Variants in SCIN observed in about 807,000 individuals in gnomAD.
SCIN encodes adseverin.
SCIN carries 91 observed loss-of-function variants against 91.8 expected under a neutral mutation model. The observed-to-expected ratio is 0.99, with a 90% CI of 0.84 to 1.18. The LOEUF (loss-of-function observed/expected upper bound fraction) is 1.18. SCIN is among the 50% of genes most tolerant of loss of function. The pLI is 0.00. For missense variants in SCIN, 1,087 were observed against 863.9 expected (o/e 1.26, Z -3.24); for synonymous variants, 367 against 312.6 (o/e 1.17, Z -1.84).
intron 3 of SCIN, among the ~76,000 whole-genome samples, chr7:12,587,932 C>T (rs951361259): frequency 6.6e-6 from 1 of 152,174 alleles, no homozygotes; most frequent in Non-Finnish European, 1.5e-5. Flanking sequence ...GCTTAAGATG[C>T]AAAACCAGCT....
intron 3 of SCIN, among the ~76,000 whole-genome samples, chr7:12,601,253 G>A (rs76912807): frequency 0.011 from 1,683 of 152,254 alleles, 27 homozygotes; most frequent in African/African-American, 0.039. Context: ...TCAGAATGGT[G>A]CTTCCAGTAC....
At chr7:12,610,112 A>G (rs769091353) in intron 4 of SCIN, among the ~76,000 whole-genome samples, 8 of 152,176 alleles carry the variant, frequency 5.3e-5, no homozygotes, top group Admixed American at 2.0e-4. Context: ...TCATGATGAA[A>G]ATCCTATTTT....
At chr7:12,615,864 A>G (rs1256539394) in intron 4 of SCIN, among the ~76,000 whole-genome samples, 1 of 152,152 alleles carries the variant, frequency 6.6e-6, no homozygotes, top group Non-Finnish European at 1.5e-5. Context: ...AAGTTTTCCC[A>G]ACTCCCTTGC....
chr7:12,604,502 T>A lies in SCIN; in HGVS notation c.517-12T>A. ...TATTCTTAGGGTCAACAGATCTGTC[T>A]CTTTCTTTTAGGAAATTTATCAGTG... On this transcript the variant is annotated splice_polypyrimidine_tract_variant and intron_variant, in intron 3 of 15. Transcript: ENST00000297029. 1 of 1,551,300 alleles carries A rather than the reference T, an allele frequency of 6.4e-7. No homozygotes were observed. The highest frequency in any genetic ancestry group is 8.7e-7 in the Non-Finnish European group (1 of 1,146,680).
rs537933310 is a variant in SCIN at position 12,653,059 on chromosome 7, T to C, written c.*344T>C. ...GGCTGAGGTTGCAGTGAGCCAGGAT[T>C]GCGCCACCACACTCCAGCCTGGGCA... On this transcript the variant is annotated 3_prime_UTR_variant, in exon 16 of 16. Transcript: ENST00000297029. The surrounding 1 kb of genome is among the most constrained non-coding windows in gnomAD (Gnocchi z 4.1). 6.3e-6 allele frequency: 1 copy of C among 158,328 alleles called. No homozygotes were observed. The highest frequency in any genetic ancestry group is 1.3e-5 in the Non-Finnish European group (1 of 74,800). 9.8% of individuals were successfully genotyped at this position (158,328 alleles called of 1,614,324 possible). A position where few individuals can be genotyped will look rare whatever the true frequency, so the allele number is the denominator to read the frequency against.
At chr7:12,644,477 T>G (rs1783918825) in intron 12 of SCIN, 107 bp from the exon 13 acceptor site, 3 of 1,495,606 alleles carry the variant, frequency 2.0e-6, no homozygotes, top group Non-Finnish European at 1.8e-6. Context: ...TTTCTTTAAG[T>G]AATTTCTCAA....
intron 3 of SCIN, among the ~76,000 whole-genome samples, chr7:12,599,956 T>G (rs1782924392): frequency 6.6e-6 from 1 of 152,234 alleles, no homozygotes; most frequent in African/African-American, 2.4e-5. Context: ...TCTCCCATTC[T>G]GTGGGTTGTC....
intron 2 of SCIN, among the ~76,000 whole-genome samples, chr7:12,578,775 A>G (rs1206584545): frequency 6.6e-6 from 1 of 152,028 alleles, no homozygotes; most frequent in African/African-American, 2.4e-5. Context: ...CTGCAGGTAA[A>G]CTACACACAC....
intron 4 of SCIN, among the ~76,000 whole-genome samples, chr7:12,614,530 T>C (rs1324683261): frequency 2.0e-5 from 3 of 152,106 alleles, no homozygotes; most frequent in Non-Finnish European, 4.4e-5. Context: ...AGGTTGTTAT[T>C]TGAAAGGTGA....
In SCIN at chr7:12,658,253, A is replaced by C. The variant is rs1784205895; in HGVS notation, c.*5538A>C. 2 of 152,212 alleles carry C rather than the reference A, an allele frequency of 1.3e-5. No individual in the cohort carries two copies. The highest frequency in any genetic ancestry group is 1.3e-4 in the Admixed American group (2 of 15,278). The allele number at this position is 152,212 out of a possible 1,614,324, so 9.4% of individuals were successfully genotyped here. A position where few individuals can be genotyped will look rare whatever the true frequency, so the allele number is the denominator to read the frequency against. On this transcript the variant is annotated 3_prime_UTR_variant, in exon 16 of 16. Coordinates refer to ENST00000297029, the MANE Select transcript of SCIN (RefSeq NM_001112706.3). ...ACATTGTCATTAGCTTGTGATCCTT[A>C]GATGGAATATATTTTGCCAGATCTC...
In SCIN at chr7:12,654,713, C is replaced by G. The variant is rs1472955137; in HGVS notation, c.*1998C>G. The stretch of plus-strand genomic sequence containing the variant: ...TAGTTTAGCCAGTGGTTTTTCTCAT[C>G]TCCAATTTATAGCACAGGCCGAGGC... On this transcript the variant is annotated 3_prime_UTR_variant, in exon 16 of 16. Coordinates refer to ENST00000297029, the MANE Select transcript of SCIN (RefSeq NM_001112706.3). 6.6e-6 allele frequency: 1 copy of G among 152,012 alleles called. No individual in the cohort carries two copies. 9.4% of individuals were successfully genotyped at this position (152,012 alleles called of 1,614,324 possible).
At chr7:12,599,208 C>T (rs914048597) in intron 3 of SCIN, among the ~76,000 whole-genome samples, 3 of 152,114 alleles carry the variant, frequency 2.0e-5, no homozygotes, top group Non-Finnish European at 4.4e-5. Context: ...GAAAACTTGA[C>T]TTTTAAATTC....
chr7:12,658,672 G>T lies in SCIN; in HGVS notation c.*5957G>T, dbSNP rs1442488770. On this transcript the variant is annotated 3_prime_UTR_variant, in exon 16 of 16. Transcript: ENST00000297029. Reference sequence around the variant, plus strand: ...TGGTTGTACAGAAAGGTGATGCCAAGACTCTCTTGTATGATTTTCCTCTCT... The same window carrying T: ...TGGTTGTACAGAAAGGTGATGCCAATACTCTCTTGTATGATTTTCCTCTCT... 6.6e-6 allele frequency: 1 copy of T among 152,184 alleles called. No homozygotes were observed. The highest frequency in any genetic ancestry group is 1.5e-5 in the Non-Finnish European group (1 of 68,036). 9.4% of individuals were successfully genotyped at this position (152,184 alleles called of 1,614,324 possible). A position where few individuals can be genotyped will look rare whatever the true frequency, so the allele number is the denominator to read the frequency against.
chr7:12,593,487 A>G (rs1012869560), intron 3 of SCIN, among the ~76,000 whole-genome samples: 2 of 152,186 alleles, frequency 1.3e-5, no homozygotes, highest in African/African-American at 4.8e-5. Context: ...CATTGTGCAC[A>G]TGTACCCTAA....
At chr7:12,627,854 C>A (rs1237008105) in intron 8 of SCIN, among the ~76,000 whole-genome samples, 1 of 152,136 alleles carries the variant, frequency 6.6e-6, no homozygotes, top group Non-Finnish European at 1.5e-5. Flanking sequence ...CTGCTGAAAT[C>A]TGGGGGCTCT....
At position 12,604,658 on chromosome 7, in the gene SCIN, A is replaced by G. The variant is rs755777073; in HGVS notation, c.661A>G (p.Ile221Val). The change falls in exon 4 of 16, where the codon ATA (isoleucine) becomes GTA (valine). Residue 221 changes from isoleucine to valine, a missense_variant. Coordinates refer to ENST00000297029, the MANE Select transcript of SCIN (RefSeq NM_001112706.3). ...AGAAGGAAGTGAACCCTCAGAACTT[A>G]TAAAGGTATTGTGACTCCTGTTGTT... ...VEEGSEPSELIKVLGEKPELP... is the reference protein window; with the variant it reads ...VEEGSEPSELVKVLGEKPELP... 1.9e-6 allele frequency: 3 copies of G among 1,551,950 alleles called. No homozygotes were observed. The highest frequency in any genetic ancestry group is 2.6e-6 in the Non-Finnish European group (3 of 1,147,022).
rs1784128897 is a variant in SCIN, at chr7:12,653,949, A to G, written c.*1234A>G. On this transcript the variant is annotated 3_prime_UTR_variant, in exon 16 of 16. Coordinates refer to ENST00000297029, the MANE Select transcript of SCIN (RefSeq NM_001112706.3). The surrounding 1 kb of genome is among the most constrained non-coding windows in gnomAD (Gnocchi z 4.1). ...ATTATTTCATTCTATTTTATTTCCA[A>G]TATACCATTGTATATCAGTATATAC... The G allele has an allele frequency of 6.6e-6, 1 of 152,028 alleles. No homozygotes were observed. Among genetic ancestry groups the G allele is most frequent in the Admixed American group, 6.5e-5 (1 of 15,268 alleles). 9.4% of individuals were successfully genotyped at this position (152,028 alleles called of 1,614,324 possible).
chr7:12,636,135 G>T lies in SCIN; in HGVS notation c.1410G>T (p.Gln470His). 6.2e-7 allele frequency: 1 copy of T among 1,610,578 alleles called. No homozygotes were observed. The highest frequency in any genetic ancestry group is 8.5e-7 in the Non-Finnish European group (1 of 1,178,168). ...GGTCCCTTGGAGGACAGGCTGTGCAGGTTGGGATATTTTTACCCCCAAAAC... is the reference window on the plus strand; with the variant it reads ...GGTCCCTTGGAGGACAGGCTGTGCATGTTGGGATATTTTTACCCCCAAAAC... ...LDRSLGGQAV[Q>H]IRVSQGKEPV... The change falls in exon 10 of 16, where the codon CAG (glutamine) becomes CAT (histidine). Residue 470 changes from glutamine to histidine, a missense_variant and splice_region_variant. Coordinates refer to ENST00000297029, the MANE Select transcript of SCIN (RefSeq NM_001112706.3).
chr7:12,600,520 A>G (rs1287244915), intron 3 of SCIN, among the ~76,000 whole-genome samples: 3 of 152,192 alleles, frequency 2.0e-5, no homozygotes, highest in Non-Finnish European at 4.4e-5. Flanking sequence ...TAAAACAAAA[A>G]CAAAGATACG....
Sources: allele counts gnomAD v4.1 joint callset (sites outside exome capture counted in the v4.1 genomes callset), GRCh38; gene constraint gnomAD v4.1.1; non-coding constraint Gnocchi (gnomAD v3.1); transcripts MANE v1.5; gene names NCBI Gene and HGNC (gene_info 2026-07-23, HGNC 2026-07-21).